Variants in GRM7 observed in about 807,000 individuals in gnomAD.
GRM7 encodes metabotropic glutamate receptor 7.
In GRM7, 35 loss-of-function variants were observed where a neutral mutation model predicts 84.5. The observed-to-expected ratio is 0.41, with a 90% CI of 0.32 to 0.55. The LOEUF is 0.55. GRM7 is among the 20% of genes least tolerant of loss of function. GRM7 has a pLI of 0.19. For missense variants in GRM7, 1,003 were observed against 1,194.6 expected, an observed-to-expected ratio of 0.84 and a Z score of 2.36; for synonymous variants, 487 against 455.1, an observed-to-expected ratio of 1.07 and a Z score of -0.89.
intron 4 of GRM7, among the ~76,000 whole-genome samples, chr3:7,401,665 A>G (rs1277176155): frequency 6.6e-6 from 1 of 152,202 alleles, no homozygotes; most frequent in Non-Finnish European, 1.5e-5. Context: ...CTGCCTCCAA[A>G]AACTTTTTGA....
chr3:7,444,404 T>G (rs533363926), intron 5 of GRM7, among the ~76,000 whole-genome samples: 2 of 152,212 alleles, frequency 1.3e-5, no homozygotes, highest in African/African-American at 2.4e-5. Context: ...AGGAAATCTA[T>G]GTAAGACATT....
At chr3:6,950,218 G>A (rs542564951) in intron 1 of GRM7, among the ~76,000 whole-genome samples, 1 of 152,172 alleles carries the variant, frequency 6.6e-6, no homozygotes, top group African/African-American at 2.4e-5. Flanking sequence ...TGATGGTGAT[G>A]TACAGATGGG....
intron 1 of GRM7, among the ~76,000 whole-genome samples, chr3:7,083,853 A>G (rs1294674635): frequency 6.6e-6 from 1 of 152,164 alleles, no homozygotes; most frequent in Non-Finnish European, 1.5e-5. Context: ...GAGGTAATGC[A>G]TCCTTCCAAA....
intron 1 of GRM7, among the ~76,000 whole-genome samples, chr3:7,040,034 G>A (rs898519129): frequency 3.3e-5 from 5 of 152,284 alleles, no homozygotes; most frequent in Middle Eastern, 3.4e-3. Flanking sequence ...TTTCTCATTA[G>A]TTAGGTTATA....
At position 7,331,645 on chromosome 3, in the gene GRM7, A is replaced by C. The variant is rs189337587; in HGVS notation, c.1033+24993A>C. Reference sequence around the variant, plus strand: ...ATGGACATGCAGGCCTCATTATTCCACATATTTCCAGGAGCTTTTGGGAAA... The same window carrying C: ...ATGGACATGCAGGCCTCATTATTCCCCATATTTCCAGGAGCTTTTGGGAAA... On this transcript the variant is annotated intron_variant, in intron 4 of 9. Coordinates refer to ENST00000357716, the MANE Select transcript of GRM7 (RefSeq NM_000844.4). 3.0e-4 allele frequency among the ~76,000 whole-genome samples: 45 copies of C among 152,278 alleles called. No homozygotes were observed. In the East Asian group the frequency reaches 8.1e-3, roughly 27 times the overall value.
intron 8 of GRM7, among the ~76,000 whole-genome samples, chr3:7,657,664 T>G (rs1699264484): frequency 6.6e-6 from 1 of 152,176 alleles, no homozygotes; most frequent in African/African-American, 2.4e-5. Flanking sequence ...GGTTGAGCTC[T>G]CAGAACGAAT....
rs547333709 is a variant in GRM7, at chr3:7,555,070, T to C, written c.1516-23352T>C. ...CTGACTCTGCTCCTTACCAGCTGGG[T>C]ACTTTGGGTTAATTTGCCTGGTTTC... On this transcript the variant is annotated intron_variant, in intron 7 of 9. Coordinates refer to ENST00000357716, the MANE Select transcript of GRM7 (RefSeq NM_000844.4). 2.2e-4 allele frequency among the ~76,000 whole-genome samples: 33 copies of C among 152,286 alleles called. 1 individual carries two copies. Among genetic ancestry groups the C allele is most frequent in the South Asian group, 1.5e-3 (7 of 4,820 alleles).
chr3:7,099,713 TGTGC>T (rs1221105055), intron 1 of GRM7, among the ~76,000 whole-genome samples: 2 of 83,564 alleles, frequency 2.4e-5, no homozygotes, highest in African/African-American at 1.4e-4. Flanking sequence ...GCATTATACA[TGTGC>T]ACATACATGT....
intron 4 of GRM7, among the ~76,000 whole-genome samples, chr3:7,358,006 T>A (rs1025894173): frequency 6.6e-6 from 1 of 152,106 alleles, no homozygotes; most frequent in East Asian, 1.9e-4. Flanking sequence ...ACCTTGAATA[T>A]AGAGCAACAT....
At position 6,969,088 on chromosome 3, in the gene GRM7, GT is replaced by G. The variant is rs71307754; in HGVS notation, c.519+107191del. On this transcript the variant is annotated intron_variant, in intron 1 of 9. Transcript: ENST00000357716. Reference sequence around the variant, plus strand: ...ATCAGGAAGCTCTACAAACCAGGGTGTTTTTTTTTTCTTTCTTGTGAGCCAG... The same window carrying G: ...ATCAGGAAGCTCTACAAACCAGGGTGTTTTTTTTTCTTTCTTGTGAGCCAG... Among the ~76,000 whole-genome samples the G allele has an allele frequency of 7.2e-3, 1,078 of 148,882 alleles. 11 individuals are homozygous for G. The highest frequency in any genetic ancestry group is 0.023 in the African/African-American group (943 of 40,482).
At chr3:7,468,399 C>A (rs1319961751) in intron 7 of GRM7, among the ~76,000 whole-genome samples, 1 of 152,116 alleles carries the variant, frequency 6.6e-6, no homozygotes, top group African/African-American at 2.4e-5. Flanking sequence ...GGATCTGAGT[C>A]TCAGTTCTAC....
chr3:7,185,612 T>C (rs1465215152), intron 2 of GRM7, among the ~76,000 whole-genome samples: 1 of 152,160 alleles, frequency 6.6e-6, no homozygotes, highest in Admixed American at 6.5e-5. Context: ...GGCACCCTTC[T>C]CTTCCATTCT....
chr3:7,517,424 G>A (rs929162426), intron 7 of GRM7, among the ~76,000 whole-genome samples: 2 of 151,912 alleles, frequency 1.3e-5, no homozygotes, highest in Non-Finnish European at 2.9e-5. Flanking sequence ...ACAGAGTCTC[G>A]CTCTGTCACC....
rs114324730 is a variant in GRM7, at chr3:7,500,192, C to G, written c.1515+38470C>G. On this transcript the variant is annotated intron_variant, in intron 7 of 9. Coordinates refer to ENST00000357716, the MANE Select transcript of GRM7 (RefSeq NM_000844.4). ...ATCTTCTTGAATTCACTATGAAGCT[C>G]ATAAAAGCTCTTGTCTCTTTGGTTT... 8.7e-3 allele frequency among the ~76,000 whole-genome samples: 1,329 copies of G among 152,312 alleles called. 20 individuals carry two copies. Among genetic ancestry groups the G allele is most frequent in the African/African-American group, 0.03 (1,253 of 41,574 alleles).
rs569274054 is a variant in GRM7, at chr3:7,522,012, G to A, written c.1516-56410G>A. On this transcript the variant is annotated intron_variant, in intron 7 of 9. Transcript: ENST00000357716. Reference sequence around the variant, plus strand: ...GAACTCAGAATCTCATTCTCCCTTGGGCTTTACCCTGGAAAGTGACTCATA... The same window carrying A: ...GAACTCAGAATCTCATTCTCCCTTGAGCTTTACCCTGGAAAGTGACTCATA... 3.3e-5 allele frequency among the ~76,000 whole-genome samples: 5 copies of A among 152,024 alleles called. No individual in the cohort carries two copies. In the South Asian group the frequency reaches 6.3e-4, roughly 19 times the overall value.
At chr3:7,374,971 C>T (rs1694286814) in intron 4 of GRM7, among the ~76,000 whole-genome samples, 1 of 152,056 alleles carries the variant, frequency 6.6e-6, no homozygotes, top group South Asian at 2.1e-4. Context: ...CTGTGACCTC[C>T]TAAGTGTTTC....
chr3:6,949,885 G>C (rs1158838896), intron 1 of GRM7, among the ~76,000 whole-genome samples: 1 of 152,166 alleles, frequency 6.6e-6, no homozygotes, highest in Admixed American at 6.5e-5. Context: ...TGTAGTTCTT[G>C]TGCCGTGCTT....
chr3:6,984,867 A>G (rs1694348729), intron 1 of GRM7, among the ~76,000 whole-genome samples: 1 of 152,180 alleles, frequency 6.6e-6, no homozygotes, highest in Non-Finnish European at 1.5e-5. Context: ...CTGAGAGAGG[A>G]GGCTGCTGAC....
At chr3:7,034,543 A>G (rs537636867) in intron 1 of GRM7, among the ~76,000 whole-genome samples, 2 of 152,370 alleles carry the variant, frequency 1.3e-5, no homozygotes, top group South Asian at 4.1e-4. Context: ...ATACATACAT[A>G]TACGTACACA....
Sources: gnomAD v4.1 joint callset for allele counts (sites outside exome capture counted in the v4.1 genomes callset) on GRCh38, gnomAD v4.1.1 for gene constraint, MANE v1.5 for transcripts, NCBI Gene and HGNC (gene_info 2026-07-23, HGNC 2026-07-21) for gene names.